The following ZNF382 variants were observed in gnomAD, a reference collection of about 807,000 sequenced individuals.
The protein encoded by ZNF382 is zinc finger protein 382, also known as KRAB/zinc finger suppressor protein 1.
ZNF382 carries 20 observed loss-of-function variants against 38.8 expected under a neutral mutation model. The observed-to-expected ratio is 0.51, with a 90% CI of 0.36 to 0.75. The LOEUF is 0.75. Ranked by LOEUF, ZNF382 falls within the 30% of genes least tolerant of loss-of-function variation. The probability of loss-of-function intolerance (pLI) is 0.00; values close to 1 mark genes in which losing one functional copy is unlikely to be tolerated. For synonymous variants in ZNF382, 202 were observed against 223.1 expected, an observed-to-expected ratio of 0.91 and a Z score of 0.84; for missense variants, 546 against 654.1, an observed-to-expected ratio of 0.83 and a Z score of 1.80.
chr19:36,626,867 T>C lies in ZNF382; in HGVS notation c.970T>C (p.Tyr324His), dbSNP rs1327822413. 1.2e-6 allele frequency: 2 copies of C among 1,614,174 alleles called. No homozygotes were observed. The highest frequency in any genetic ancestry group is 1.3e-5 in the African/African-American group (1 of 75,044). ...HQRIHTGEKP[Y>H]VCNQCGKAFR... is the part of the protein sequence containing the mutation. Reference sequence around the variant, plus strand: ...GCGAATTCACACAGGTGAAAAACCTTATGTTTGCAATCAATGTGGAAAGGC... The same window carrying C: ...GCGAATTCACACAGGTGAAAAACCTCATGTTTGCAATCAATGTGGAAAGGC... Residue 324 changes from tyrosine to histidine, a missense_variant, in exon 5 of 5, where the codon TAT becomes CAT. Physicochemically the swap from Tyr to His is moderately conservative, Grantham distance 83 (BLOSUM62 2). Transcript: ENST00000292928.
rs1190944021 is a variant in ZNF382 at position 36,628,188 on chromosome 19, A to G, written c.*638A>G. 1 of 152,278 alleles carries G rather than the reference A, an allele frequency of 6.6e-6. No individual in the cohort carries two copies. The highest frequency in any genetic ancestry group is 2.4e-5 in the African/African-American group (1 of 41,450). The allele number at this position is 152,278 out of a possible 1,614,324, so 9.4% of individuals were successfully genotyped here. ...CAGTATAGAATTCAATTATATGATTATATCACAATTTATCCATTCTGCTGT... is the reference window on the plus strand; with the variant it reads ...CAGTATAGAATTCAATTATATGATTGTATCACAATTTATCCATTCTGCTGT... On this transcript the variant is annotated 3_prime_UTR_variant, in exon 5 of 5. Coordinates refer to ENST00000292928, the MANE Select transcript of ZNF382 (RefSeq NM_032825.5).
chr19:36,617,184 G>C (rs2037132319), intron 4 of ZNF382, among the ~76,000 whole-genome samples: 1 of 152,146 alleles, frequency 6.6e-6, no homozygotes, highest in South Asian at 2.1e-4. Context: ...CACAGAGTCA[G>C]GAATTTTCTA....
intron 2 of ZNF382, 85 bp from the exon 3 acceptor site, chr19:36,609,817 T>C: frequency 7.8e-7 from 1 of 1,284,246 alleles, no homozygotes; most frequent in Non-Finnish European, 1.0e-6. Flanking sequence ...ATATAAAACA[T>C]AAATAAGGAA....
At chr19:36,605,876 G>GC (rs2037018413) in intron 1 of ZNF382, 1 of 152,690 alleles carries the variant, frequency 6.5e-6, no homozygotes, top group Non-Finnish European at 1.5e-5. Flanking sequence ...GTGGAGAATT[G>GC]CAAGTGATTT....
At position 36,607,607 on chromosome 19, in the gene ZNF382, C is replaced by A. The variant is rs777374540; in HGVS notation, c.-29C>A. Reference sequence around the variant, plus strand: ...AAAGAGAAAGTTCATCTAGAAATCTCAAAGCCATGTCTCAGGTGAGATGAT... The same window carrying A: ...AAAGAGAAAGTTCATCTAGAAATCTAAAAGCCATGTCTCAGGTGAGATGAT... On this transcript the variant is annotated 5_prime_UTR_variant, in exon 2 of 5. Transcript: ENST00000292928. 1 of 1,532,230 alleles carries A rather than the reference C, an allele frequency of 6.5e-7. No individual in the cohort carries two copies. Among genetic ancestry groups the A allele is most frequent in the Non-Finnish European group, 8.7e-7 (1 of 1,145,772 alleles). 94.9% of individuals were successfully genotyped at this position (1,532,230 alleles called of 1,614,324 possible).
intron 4 of ZNF382, among the ~76,000 whole-genome samples, chr19:36,624,596 C>T (rs2037195324): frequency 1.3e-5 from 2 of 152,062 alleles, no homozygotes; most frequent in African/African-American, 2.4e-5. Context: ...TTTACAGCTC[C>T]AGTAGGGAAT....
rs199609151 is a variant in ZNF382, at chr19:36,610,664, A to G, written c.154A>G (p.Lys52Glu). 6 of 1,612,452 alleles carry G rather than the reference A, an allele frequency of 3.7e-6. No homozygotes were observed. The highest frequency in any genetic ancestry group is 2.2e-5 in the East Asian group (1 of 44,794). ...TCCATCATCAGGGTTTCACATGGCT[A>G]AGCCTGATATGATCCGCAAGTTGGA... ...HFVSVGFHMAKPDMIRKLEQG... is the reference protein window; with the variant it reads ...HFVSVGFHMAEPDMIRKLEQG... The change falls in exon 4 of 5, where the codon AAG becomes GAG. Residue 52 changes from lysine to glutamate, a missense_variant. Coordinates refer to ENST00000292928, the MANE Select transcript of ZNF382 (RefSeq NM_032825.5).
chr19:36,615,767 T>G (rs1483893830), intron 4 of ZNF382, among the ~76,000 whole-genome samples: 1 of 152,226 alleles, frequency 6.6e-6, no homozygotes, highest in Non-Finnish European at 1.5e-5. Flanking sequence ...ACAATTCATT[T>G]CTACTATATG....
intron 3 of ZNF382, 198 bp from the exon 4 acceptor site, chr19:36,610,452 T>C: frequency 5.0e-6 from 2 of 400,022 alleles, no homozygotes; most frequent in Non-Finnish European, 8.8e-6. Flanking sequence ...TGAGACTGTC[T>C]CAAAAAAAAA....
rs760655345 is a variant in ZNF382 at position 36,626,429 on chromosome 19, A to G, written c.532A>G (p.Lys178Glu). Residue 178 changes from lysine to glutamate, a missense_variant, in exon 5 of 5, where the codon AAA becomes GAA. Physicochemically the swap from Lys to Glu is moderately conservative, Grantham distance 56. Transcript: ENST00000292928. ...EKSLLNTKHE[K>E]IHPAVNLHKQ... ...ATCACTCCTCAATACCAAGCATGAG[A>G]AAATTCATCCTGCAGTGAATCTCCA... The G allele has an allele frequency of 2.5e-6, 4 of 1,605,906 alleles. No homozygotes were observed. In the East Asian group the frequency reaches 6.7e-5, roughly 27 times the overall value.
intron 4 of ZNF382, among the ~76,000 whole-genome samples, chr19:36,612,568 T>G (rs930120179): frequency 3.7e-4 from 57 of 152,334 alleles, no homozygotes; most frequent in African/African-American, 1.3e-3. Flanking sequence ...TACTATACCA[T>G]TTTAGACTTT....
intron 4 of ZNF382, among the ~76,000 whole-genome samples, chr19:36,619,062 T>A (rs1280862195): frequency 6.6e-6 from 1 of 152,126 alleles, no homozygotes. Context: ...TAAATCTAGA[T>A]GTCCAGACCA....
At chr19:36,619,818 C>T (rs2037154991) in intron 4 of ZNF382, among the ~76,000 whole-genome samples, 1 of 151,858 alleles carries the variant, frequency 6.6e-6, no homozygotes. Context: ...GCAAGCTCCG[C>T]CTCCCGAGTT....
In ZNF382 at chr19:36,626,565, T is replaced by A. The variant is rs1348485663; in HGVS notation, c.668T>A (p.Met223Lys). The change falls in exon 5 of 5, where the codon ATG (methionine) becomes AAG (lysine). Residue 223 changes from methionine (M) to lysine (K), a missense_variant. Transcript: ENST00000292928. Reference protein sequence around the residue: ...DHNECEKSFLMKGMLFTHTRA... With the variant: ...DHNECEKSFLKKGMLFTHTRA... ...AATGAATGTGAAAAATCCTTCCTGA[T>A]GAAAGGAATGCTATTTACACATACT... is the stretch of plus-strand genomic sequence containing the variant. 3 of 1,613,614 alleles carry A rather than the reference T, an allele frequency of 1.9e-6. No homozygotes were observed. Among genetic ancestry groups the A allele is most frequent in the South Asian group, 1.1e-5 (1 of 90,938 alleles).
chr19:36,606,547 G>T (rs71356009), intron 1 of ZNF382, among the ~76,000 whole-genome samples: 1 of 151,308 alleles, frequency 6.6e-6, no homozygotes, highest in African/African-American at 2.4e-5. Context: ...GTAGAGATGG[G>T]GTTTCACCAT....
chr19:36,607,525 G>A (rs1038934137), intron 1 of ZNF382, 27 bp from the exon 2 acceptor site: 14 of 1,360,368 alleles, frequency 1.0e-5, no homozygotes, highest in East Asian at 1.0e-4. Context: ...TCTCACATAC[G>A]TATATCCTCC....
At chr19:36,612,726 CT>C (rs1430283540) in intron 4 of ZNF382, among the ~76,000 whole-genome samples, 1 of 152,114 alleles carries the variant, frequency 6.6e-6, no homozygotes, top group Non-Finnish European at 1.5e-5. Context: ...ATGTTGAAAA[CT>C]TTTTCAAGTG....
intron 4 of ZNF382, among the ~76,000 whole-genome samples, chr19:36,616,967 G>A (rs1163650210): frequency 1.3e-5 from 2 of 152,090 alleles, no homozygotes; most frequent in African/African-American, 4.8e-5. Context: ...GGAACTGAAG[G>A]GACAATCAGA....
In ZNF382 at chr19:36,611,688, G is replaced by A. The variant is rs769298301; in HGVS notation, c.232+946G>A. On this transcript the variant is annotated intron_variant, in intron 4 of 4. Coordinates refer to ENST00000292928, the MANE Select transcript of ZNF382 (RefSeq NM_032825.5). ...AGAAGTGGAATTGCTGAATAATGTG[G>A]TAATTCTGTGTTTATATTTAAGGAG... Among the ~76,000 whole-genome samples the A allele has an allele frequency of 4.1e-4, 62 of 152,174 alleles. 1 individual carries two copies. The highest frequency in any genetic ancestry group is 7.9e-4 in the Non-Finnish European group (54 of 67,992).
Sources: allele counts gnomAD v4.1 joint callset (sites outside exome capture counted in the v4.1 genomes callset), GRCh38; gene constraint gnomAD v4.1.1; transcripts MANE v1.5; gene names NCBI Gene and HGNC (gene_info 2026-07-23, HGNC 2026-07-21).